Variants in KHDRBS3 observed in about 807,000 individuals in gnomAD.
KHDRBS3 encodes KH RNA binding domain containing, signal transduction associated 3.
In KHDRBS3, 23 loss-of-function variants were observed where a neutral mutation model predicts 45.6. The observed-to-expected ratio is 0.50, with a 90% CI of 0.36 to 0.72. The LOEUF (loss-of-function observed/expected upper bound fraction) is 0.72. Ranked by LOEUF, KHDRBS3 falls within the 30% of genes least tolerant of loss-of-function variation. The pLI is 0.00. For missense variants in KHDRBS3, 352 were observed against 424.8 expected (o/e 0.83, Z 1.51); for synonymous variants, 162 against 156.5 (o/e 1.04, Z -0.26).
At chr8:135,525,618 A>T (rs1248206773) in intron 2 of KHDRBS3, among the ~76,000 whole-genome samples, 1 of 152,198 alleles carries the variant, frequency 6.6e-6, no homozygotes, top group East Asian at 1.9e-4. Flanking sequence ...GTTCTCAGCC[A>T]TACCTGCAGA....
intron 8 of KHDRBS3, 134 bp downstream of exon 8, chr8:135,645,251 G>A (rs1306867868): frequency 3.9e-6 from 3 of 771,812 alleles, no homozygotes; most frequent in East Asian, 5.1e-5. Context: ...ATTTGTGCAT[G>A]TCTAGCTATT....
At chr8:135,650,151 A>G (rs996009091), downstream of KHDRBS3, among the ~76,000 whole-genome samples, 3 of 152,220 alleles carry the variant, frequency 2.0e-5, no homozygotes, top group African/African-American at 7.2e-5. Flanking sequence ...ACTGGACACA[A>G]CAGAGGCACT....
At chr8:135,461,322 C>G (rs1821420660) in intron 1 of KHDRBS3, among the ~76,000 whole-genome samples, 1 of 152,106 alleles carries the variant, frequency 6.6e-6, no homozygotes. Flanking sequence ...CCAGGCTGGT[C>G]TCGAACTCCT....
intron 5 of KHDRBS3, among the ~76,000 whole-genome samples, chr8:135,563,269 G>T (rs1827250716): frequency 6.6e-6 from 1 of 152,084 alleles, no homozygotes; most frequent in Non-Finnish European, 1.5e-5. Flanking sequence ...AGCGTTACTG[G>T]TCTCCTTTCT....
chr8:135,568,775 C>T (rs1485044422), intron 5 of KHDRBS3, among the ~76,000 whole-genome samples: 3 of 152,148 alleles, frequency 2.0e-5, no homozygotes, highest in South Asian at 2.1e-4. Context: ...GAAGACTGAC[C>T]GGTCATCTGA....
chr8:135,629,375 A>C (rs1007822991), intron 7 of KHDRBS3, among the ~76,000 whole-genome samples: 2 of 152,248 alleles, frequency 1.3e-5, no homozygotes, highest in African/African-American at 4.8e-5. Flanking sequence ...GCTGTAAGAC[A>C]GCTGCAGCAG....
intron 1 of KHDRBS3, among the ~76,000 whole-genome samples, chr8:135,498,446 G>A (rs1478827471): frequency 2.0e-5 from 3 of 151,984 alleles, no homozygotes; most frequent in African/African-American, 7.2e-5. Context: ...GATCTGAAGT[G>A]GACTGGATTG....
chr8:135,467,397 A>G (rs141134511), intron 1 of KHDRBS3, among the ~76,000 whole-genome samples: 28 of 152,380 alleles, frequency 1.8e-4, no homozygotes, highest in African/African-American at 5.3e-4. Flanking sequence ...TATCTCATCT[A>G]CAGTTCACAT....
intron 1 of KHDRBS3, among the ~76,000 whole-genome samples, chr8:135,479,615 A>G (rs1220565061): frequency 6.6e-6 from 1 of 152,188 alleles, no homozygotes. Context: ...CACATGGTAG[A>G]AGAGTGAAAG....
intron 7 of KHDRBS3, among the ~76,000 whole-genome samples, chr8:135,640,252 G>C (rs1003590869): frequency 4.6e-5 from 7 of 152,106 alleles, no homozygotes; most frequent in African/African-American, 1.7e-4. Flanking sequence ...CAAGCAAAAG[G>C]CCTAATGAGA....
chr8:135,544,948 T>C (rs1459638704), intron 3 of KHDRBS3, among the ~76,000 whole-genome samples: 2 of 151,974 alleles, frequency 1.3e-5, no homozygotes, highest in Admixed American at 1.3e-4. Flanking sequence ...CCCACTCTGC[T>C]TGGTGGCCCT....
At chr8:135,625,412 C>A (rs1279912992) in intron 7 of KHDRBS3, 1 of 777,576 alleles carries the variant, frequency 1.3e-6, no homozygotes, top group East Asian at 2.4e-5. Context: ...TCAGCTGCCT[C>A]ATCGTGCCCA....
At chr8:135,651,534 T>C (rs889211835), downstream of KHDRBS3, among the ~76,000 whole-genome samples, 4 of 152,040 alleles carry the variant, frequency 2.6e-5, no homozygotes, top group African/African-American at 7.2e-5. Context: ...TGAAGGGTCT[T>C]GTAGGTTCTG....
chr8:135,537,262 A>T (rs1825828486), intron 2 of KHDRBS3, among the ~76,000 whole-genome samples: 1 of 152,274 alleles, frequency 6.6e-6, no homozygotes, highest in Admixed American at 6.5e-5. Flanking sequence ...GTTGTGTTAG[A>T]GGTCAGTAAG....
chr8:135,613,821 C>A (rs754668595), intron 7 of KHDRBS3, among the ~76,000 whole-genome samples: 1 of 151,554 alleles, frequency 6.6e-6, no homozygotes, highest in Non-Finnish European at 1.5e-5. Context: ...GCCTGGCTAC[C>A]GTTGGGTATG....
intron 6 of KHDRBS3, among the ~76,000 whole-genome samples, chr8:135,596,689 G>C (rs1402642737): frequency 6.6e-6 from 1 of 152,032 alleles, no homozygotes. Context: ...TATAATAAAG[G>C]AATTAAAAAA....
chr8:135,578,029 C>G (rs1220675415), intron 5 of KHDRBS3, among the ~76,000 whole-genome samples: 1 of 152,108 alleles, frequency 6.6e-6, no homozygotes, highest in Non-Finnish European at 1.5e-5. Flanking sequence ...ATCTGTAGAT[C>G]TTCTTTGGTG....
chr8:135,514,308 C>T (rs926931259), intron 1 of KHDRBS3, among the ~76,000 whole-genome samples: 6 of 152,206 alleles, frequency 3.9e-5, no homozygotes, highest in Non-Finnish European at 7.3e-5. Context: ...GGTGGAAACA[C>T]TCCAAATATC....
rs571014784 is a variant in KHDRBS3 at position 135,587,153 on chromosome 8, G to A, written c.807+5080G>A. On this transcript the variant is annotated intron_variant, in intron 6 of 8. Transcript: ENST00000355849. The stretch of plus-strand genomic sequence containing the variant: ...TTGTAAAATGTGCCTATTGAAATTC[G>A]TCTGATATTTCTCAAGGTGAGTTGG... 2.0e-4 allele frequency among the ~76,000 whole-genome samples: 30 copies of A among 152,236 alleles called. 1 individual carries two copies. In the South Asian group the frequency reaches 5.8e-3, roughly 29 times the overall value.
Sources: allele counts gnomAD v4.1 joint callset (sites outside exome capture counted in the v4.1 genomes callset), GRCh38; gene constraint gnomAD v4.1.1; transcripts MANE v1.5; gene names NCBI Gene and HGNC (gene_info 2026-07-23, HGNC 2026-07-21).